Variants in C17orf58 observed in about 807,000 individuals in gnomAD.
The protein encoded by C17orf58 is UPF0450 protein C17orf58.
Under a neutral mutation model 7.4 loss-of-function variants are expected in C17orf58, and 5 were observed. The observed-to-expected ratio is 0.67, with a 90% CI of 0.35 to 1.42. The LOEUF is 1.42. Among genes scored for constraint, C17orf58 ranks in the 40% most tolerant of loss-of-function variants. The pLI is 0.04. For synonymous variants in C17orf58, 60 were observed against 70.6 expected, an observed-to-expected ratio of 0.85 and a Z score of 0.75; for missense variants, 162 against 174.2, an observed-to-expected ratio of 0.93 and a Z score of 0.40.
rs1555699607 is a variant in C17orf58, at chr17:67,994,512, G to GTATATATATATA, written c.77-529_77-528insTATATATATATA. On this transcript the variant is annotated intron_variant, in intron 1 of 3. Transcript: ENST00000580729. ...CGTGTGCGTGTGTGTGTGTGTGTGTGTGTGTATATATATATATATATATAA... is the reference window on the plus strand; with the variant it reads ...CGTGTGCGTGTGTGTGTGTGTGTGTGTATATATATATATGTGTATATATATATATATATATAA... Among the ~76,000 whole-genome samples the GTATATATATATA allele has an allele frequency of 7.3e-3, 623 of 85,404 alleles. 5 individuals carry two copies. Among genetic ancestry groups the GTATATATATATA allele is most frequent in the African/African-American group, 0.017 (465 of 26,572 alleles). The allele number at this position is 85,404 out of a possible 152,430, so 56.0% of individuals were successfully genotyped here.
intron 1 of C17orf58, among the ~76,000 whole-genome samples, chr17:67,995,848 G>A (rs539494223): frequency 5.7e-4 from 87 of 152,372 alleles, no homozygotes; most frequent in Non-Finnish European, 1.0e-3. Context: ...CTCCGTGATG[G>A]AGCAACTACT....
intron 1 of C17orf58, among the ~76,000 whole-genome samples, chr17:67,994,537 A>ATATAT (rs1555699628): frequency 3.8e-4 from 15 of 39,950 alleles, no homozygotes; most frequent in Non-Finnish European, 1.2e-3. Context: ...TATATATATA[A>ATATAT]AACATATATA....
At chr17:67,994,008 C>A in intron 1 of C17orf58, 24 bp from the exon 2 acceptor site, 1 of 391,532 alleles carries the variant, frequency 2.6e-6, no homozygotes, top group East Asian at 3.6e-5. Flanking sequence ...AGAGGAGAGG[C>A]GGGAAGGCGG....
chr17:67,995,918 T>C lies in C17orf58; in HGVS notation c.76+205A>G, dbSNP rs2070887645. Among the ~76,000 whole-genome samples the C allele has an allele frequency of 2.0e-5, 3 of 152,332 alleles. No homozygotes were observed. The South Asian group carries it at 6.2e-4, about 32-fold the overall frequency. On this transcript the variant is annotated intron_variant, in intron 1 of 3. Transcript: ENST00000580729. ...GCTCGGGATCATTTCAGTAGCTAAATTGGCTTCTTTCCGAAAAGGCTGCCA... is the reference window on the plus strand; with the variant it reads ...GCTCGGGATCATTTCAGTAGCTAAACTGGCTTCTTTCCGAAAAGGCTGCCA...
intron 3 of C17orf58, 31 bp from the exon 4 acceptor site, chr17:67,992,134 A>G: frequency 6.6e-7 from 1 of 1,508,692 alleles, no homozygotes; most frequent in Non-Finnish European, 8.9e-7. Context: ...ATTAATTCAT[A>G]GTGTCTTTTA....
chr17:67,995,250 G>A (rs1403506512), intron 1 of C17orf58, among the ~76,000 whole-genome samples: 2 of 152,348 alleles, frequency 1.3e-5, no homozygotes, highest in East Asian at 3.9e-4. Context: ...GACTCATTAT[G>A]TTGTTAAACG....
chr17:67,996,447 T>G lies in C17orf58; in HGVS notation c.-249A>C, dbSNP rs1264769433. On this transcript the variant is annotated 5_prime_UTR_variant, in exon 1 of 4. Transcript: ENST00000580729. ...GTCCCCGGGAATGTCTGTCCTGTGA[T>G]CTGCGGGCGAGGAGAGCATCACAGC... The G allele has an allele frequency of 3.1e-6, 1 of 324,378 alleles. No individual in the cohort carries two copies. The highest frequency in any genetic ancestry group is 5.6e-6 in the Non-Finnish European group (1 of 179,932). The allele number at this position is 324,378 out of a possible 1,614,324, so 20.1% of individuals were successfully genotyped here.
Position 67,993,965 on chromosome 17 carries a change from T to A in C17orf58, c.96A>T (p.Arg32Ser), listed in dbSNP as rs1184616286. ...AERKTSPPHS[R>S]KPDSRGCPSA... ...TCGGGCAGCCGCGGGAGTCCGGCTT[T>A]CTGCTGTGCGGCGGCGAGGCTGTGG... is the stretch of plus-strand genomic sequence containing the variant. The change falls in exon 2 of 4, where the codon AGA (arginine) becomes AGT (serine). Residue 32 changes from arginine to serine, a missense_variant. Arg to Ser is a moderately radical substitution (Grantham distance 110). Coordinates refer to ENST00000580729, the MANE Select transcript of C17orf58 (RefSeq NM_001382359.1). The surrounding 1 kb of genome is among the most constrained non-coding windows in gnomAD (Gnocchi z 5.1). The A allele has an allele frequency of 2.5e-6, 1 of 394,462 alleles. No homozygotes were observed. Among genetic ancestry groups the A allele is most frequent in the Non-Finnish European group, 4.5e-6 (1 of 224,112 alleles). 24.4% of individuals were successfully genotyped at this position (394,462 alleles called of 1,614,324 possible).
chr17:67,995,153 G>C (rs1235785472), intron 1 of C17orf58, among the ~76,000 whole-genome samples: 1 of 152,210 alleles, frequency 6.6e-6, no homozygotes, highest in Non-Finnish European at 1.5e-5. Flanking sequence ...GATCAGTCTT[G>C]CCAAATCGAT....
At chr17:67,994,365 A>C (rs1166583647) in intron 1 of C17orf58, among the ~76,000 whole-genome samples, 5 of 151,704 alleles carry the variant, frequency 3.3e-5, no homozygotes, top group Non-Finnish European at 1.5e-5. Context: ...GACCTCTAAG[A>C]TTATAGCTTT....
rs1453659549 is a variant in C17orf58, at chr17:67,993,831, CGGCGCGGGTCAGGCCA to C, written c.214_229del (p.Trp72AlafsTer138). 2.9e-5 allele frequency: 9 copies of C among 306,282 alleles called. No individual in the cohort carries two copies. The East Asian group carries it at 5.3e-4, about 18-fold the overall frequency. The allele number at this position is 306,282 out of a possible 1,614,324, so 19.0% of individuals were successfully genotyped here. ...GTCGGCCGGCGGTGGGGGCTTCCGG[CGGCGCGGGTCAGGCCA>C]GGCGCGGGCGGCGGGAGCGACCTCG... On this transcript the variant is annotated frameshift_variant, in exon 2 of 4. Coordinates refer to ENST00000580729, the MANE Select transcript of C17orf58 (RefSeq NM_001382359.1). LOFTEE classifies it high-confidence loss of function. The surrounding 1 kb of genome is among the most constrained non-coding windows in gnomAD (Gnocchi z 5.1).
At position 67,996,391 on chromosome 17, in the gene C17orf58, AAGG is replaced by A. The variant is rs2070891791; in HGVS notation, c.-196_-194del. The A allele has an allele frequency of 2.7e-6, 1 of 376,240 alleles. No individual in the cohort carries two copies. The highest frequency in any genetic ancestry group is 4.7e-6 in the Non-Finnish European group (1 of 212,794). The allele number at this position is 376,240 out of a possible 1,614,324, so 23.3% of individuals were successfully genotyped here. ...CAGGGATTTCTCCCTCTTCCTTCCTAAGGAGGACGAGCACATGGCCTTGCAAAG... is the reference window on the plus strand; with the variant it reads ...CAGGGATTTCTCCCTCTTCCTTCCTAAGGACGAGCACATGGCCTTGCAAAG... On this transcript the variant is annotated 5_prime_UTR_variant, in exon 1 of 4. Coordinates refer to ENST00000580729, the MANE Select transcript of C17orf58 (RefSeq NM_001382359.1).
chr17:67,996,170 C>G lies in C17orf58; in HGVS notation c.29G>C (p.Cys10Ser), dbSNP rs782653121. The change falls in exon 1 of 4, where the codon TGT becomes TCT. Residue 10 changes from cysteine to serine, a missense_variant. Physicochemically the swap from Cys to Ser is moderately radical, Grantham distance 112. Coordinates refer to ENST00000580729, the MANE Select transcript of C17orf58 (RefSeq NM_001382359.1). MTARAFWLL[C>S]LIVGSSPEAP... Reference sequence around the variant, plus strand: ...TTCGGGGGATGATCCGACGATCAAACAGAGGAGCCAGAAAGCTCTAGCTGT... The same window carrying G: ...TTCGGGGGATGATCCGACGATCAAAGAGAGGAGCCAGAAAGCTCTAGCTGT... 1.1e-4 allele frequency: 42 copies of G among 398,932 alleles called. No homozygotes were observed. Among genetic ancestry groups the G allele is most frequent in the Non-Finnish European group, 1.9e-4 (42 of 226,112 alleles). 24.7% of individuals were successfully genotyped at this position (398,932 alleles called of 1,614,324 possible). A position where few individuals can be genotyped will look rare whatever the true frequency, so the allele number is the denominator to read the frequency against.
intron 1 of C17orf58, among the ~76,000 whole-genome samples, chr17:67,994,514 G>GCATA (rs1285480406): frequency 0.032 from 2,802 of 87,226 alleles, 108 homozygotes; most frequent in Middle Eastern, 0.096. Context: ...GTGTGTGTGT[G>GCATA]TGTATATATA....
rs528110946 is a variant in C17orf58, at chr17:67,994,058, G to T, written c.77-74C>A. ...CAGTGAGGGGAGGCCGTCGGGGAAAGCCGAGGAAGCCGAGAAGGAAGAAGA... is the reference window on the plus strand; with the variant it reads ...CAGTGAGGGGAGGCCGTCGGGGAAATCCGAGGAAGCCGAGAAGGAAGAAGA... On this transcript the variant is annotated intron_variant, in intron 1 of 3. Coordinates refer to ENST00000580729, the MANE Select transcript of C17orf58 (RefSeq NM_001382359.1). The T allele has an allele frequency of 9.9e-5, 37 of 371,960 alleles. No homozygotes were observed. In the East Asian group the frequency reaches 1.4e-3, roughly 14 times the overall value. 23.0% of individuals were successfully genotyped at this position (371,960 alleles called of 1,614,324 possible). A position where few individuals can be genotyped will look rare whatever the true frequency, so the allele number is the denominator to read the frequency against.
chr17:67,995,229 A>T (rs1378676066), intron 1 of C17orf58, among the ~76,000 whole-genome samples: 1 of 152,222 alleles, frequency 6.6e-6, no homozygotes, highest in Non-Finnish European at 1.5e-5. Flanking sequence ...TTTTGCAAAG[A>T]GGTTGATTCT....
At position 67,996,465 on chromosome 17, in the gene C17orf58, A is replaced by T; in HGVS notation, c.-267T>A. 3.4e-6 allele frequency: 1 copy of T among 293,252 alleles called. No homozygotes were observed. Among genetic ancestry groups the T allele is most frequent in the Non-Finnish European group, 6.2e-6 (1 of 160,142 alleles). 18.2% of individuals were successfully genotyped at this position (293,252 alleles called of 1,614,324 possible). Reference sequence around the variant, plus strand: ...CCTGTGATCTGCGGGCGAGGAGAGCATCACAGCCTAAACTTTAAACCTGTG... The same window carrying T: ...CCTGTGATCTGCGGGCGAGGAGAGCTTCACAGCCTAAACTTTAAACCTGTG... On this transcript the variant is annotated 5_prime_UTR_variant, in exon 1 of 4. It removes an upstream start codon present in the reference 5' UTR. Coordinates refer to ENST00000580729, the MANE Select transcript of C17orf58 (RefSeq NM_001382359.1).
Position 67,993,950 on chromosome 17 carries a change from G to T in C17orf58, c.111C>A (p.Arg37=). The T allele has an allele frequency of 2.5e-6, 1 of 395,808 alleles. No homozygotes were observed. 24.5% of individuals were successfully genotyped at this position (395,808 alleles called of 1,614,324 possible). A position where few individuals can be genotyped will look rare whatever the true frequency, so the allele number is the denominator to read the frequency against. ...SPPHSRKPDS[R]GCPSAEETPG... is the part of the protein sequence containing the mutation. ...GTGTCTCCTCCGCGCTCGGGCAGCC[G>T]CGGGAGTCCGGCTTTCTGCTGTGCG... Residue 37 remains arginine, a synonymous_variant, in exon 2 of 4, where the codon CGC becomes CGA. Transcript: ENST00000580729. This position sits in a 1 kb window ranked among gnomAD's most constrained non-coding sequence, Gnocchi z 5.1.
In C17orf58 at chr17:67,994,516, G is replaced by GTGTGTGTGTGTATA. The variant is rs1244199425; in HGVS notation, c.77-533_77-532insTATACACACACACA. On this transcript the variant is annotated intron_variant, in intron 1 of 3. Transcript: ENST00000580729. ...TGCGTGTGTGTGTGTGTGTGTGTGT[G>GTGTGTGTGTGTATA]TATATATATATATATATATAAAACA... Among the ~76,000 whole-genome samples, 629 of 89,478 alleles carry GTGTGTGTGTGTATA rather than the reference G, an allele frequency of 7.0e-3. 10 individuals carry two copies. The highest frequency in any genetic ancestry group is 0.02 in the African/African-American group (537 of 26,674). 58.7% of individuals were successfully genotyped at this position (89,478 alleles called of 152,430 possible).
Sources: allele counts gnomAD v4.1 joint callset (sites outside exome capture counted in the v4.1 genomes callset), GRCh38; gene constraint gnomAD v4.1.1; non-coding constraint Gnocchi (gnomAD v3.1); transcripts MANE v1.5; gene names NCBI Gene and HGNC (gene_info 2026-07-23, HGNC 2026-07-21).